The following MROH2B variants were observed in gnomAD, a reference collection of about 807,000 sequenced individuals.
The protein encoded by MROH2B is maestro heat like repeat family member 2B.
Under a neutral mutation model 208.6 loss-of-function variants are expected in MROH2B, and 177 were observed. The ratio of observed to expected loss-of-function variants is 0.85; its 90% CI spans 0.75 to 0.96. The LOEUF is 0.96. MROH2B is among the 40% of genes least tolerant of loss of function. The pLI, the probability that MROH2B is intolerant of heterozygous loss-of-function variation, is 0.00. For synonymous variants in MROH2B, 728 were observed against 659.0 expected (o/e 1.10, Z -1.60); for missense variants, 2,002 against 1,878.7 (o/e 1.07, Z -1.21).
At chr5:41,011,507 T>C (rs1333280448) in intron 30 of MROH2B, among the ~76,000 whole-genome samples, 2 of 152,232 alleles carry the variant, frequency 1.3e-5, no homozygotes, top group East Asian at 1.9e-4. Flanking sequence ...AAAACACTTA[T>C]TGAAAAGTAA....
chr5:40,998,381 G>A (rs183010273), intron 41 of MROH2B, among the ~76,000 whole-genome samples: 18 of 152,268 alleles, frequency 1.2e-4, no homozygotes, highest in Middle Eastern at 3.4e-3. Flanking sequence ...TGATCAGTAG[G>A]TTTAGGCAAT....
At chr5:41,026,309 A>C (rs942048317) in intron 24 of MROH2B, among the ~76,000 whole-genome samples, 24 of 152,268 alleles carry the variant, frequency 1.6e-4, no homozygotes, top group African/African-American at 4.3e-4. Flanking sequence ...CCCAAAATCT[A>C]CTTAAGCTGA....
At chr5:41,030,530 G>A (rs1249089217) in intron 24 of MROH2B, among the ~76,000 whole-genome samples, 1 of 151,906 alleles carries the variant, frequency 6.6e-6, no homozygotes, top group Non-Finnish European at 1.5e-5. Flanking sequence ...TCAATGTTGT[G>A]AAAATGCCCA....
rs75614663 is a variant in MROH2B, at chr5:41,060,202, C to T, written c.615+1368G>A. Among the ~76,000 whole-genome samples the T allele has an allele frequency of 6.4e-3, 973 of 152,266 alleles. 7 individuals are homozygous for T. The highest frequency in any genetic ancestry group is 0.023 in the African/African-American group (944 of 41,554). ...ACTCCTCTGATCAGTTCCACGAACA[C>T]TATGTTAATTGATCTCTTTACCACT... On this transcript the variant is annotated intron_variant, in intron 6 of 41. Transcript: ENST00000399564.
chr5:41,003,603 T>A (rs1335473235), intron 37 of MROH2B, among the ~76,000 whole-genome samples: 1 of 152,080 alleles, frequency 6.6e-6, no homozygotes, highest in Non-Finnish European at 1.5e-5. Flanking sequence ...AAAAATTAGG[T>A]TTATGATGAA....
At chr5:41,016,603 C>T (rs746492802) in intron 28 of MROH2B, among the ~76,000 whole-genome samples, 10 of 148,590 alleles carry the variant, frequency 6.7e-5, no homozygotes, top group South Asian at 2.2e-4. Context: ...CTCAGCCTCC[C>T]GAGTAGCTGG....
At position 41,004,903 on chromosome 5, in the gene MROH2B, G is replaced by A; in HGVS notation, c.3882C>T (p.Ile1294=). ...TTCGCAGATTCCCATGCTTCCAAAG[G>A]ATTGGTTCCTTCATGAGCTGAAATA... ...AFFSELMKEP[I]LWKHGNLRNV... is the part of the protein sequence containing the mutation. The change falls in exon 36 of 42, where the codon ATC becomes ATT. Residue 1294 remains isoleucine (I), a synonymous_variant. Transcript: ENST00000399564. The A allele has an allele frequency of 6.2e-7, 1 of 1,613,870 alleles. No homozygotes were observed. The highest frequency in any genetic ancestry group is 8.5e-7 in the Non-Finnish European group (1 of 1,179,858).
intron 24 of MROH2B, among the ~76,000 whole-genome samples, chr5:41,023,434 G>A (rs961002915): frequency 2.0e-5 from 3 of 152,178 alleles, no homozygotes; most frequent in Non-Finnish European, 2.9e-5. Flanking sequence ...CTGGAAGAAA[G>A]GGTATCAGTG....
At chr5:41,021,887 G>T (rs1315744816) in intron 24 of MROH2B, among the ~76,000 whole-genome samples, 1 of 151,612 alleles carries the variant, frequency 6.6e-6, no homozygotes, top group Admixed American at 6.6e-5. Flanking sequence ...AAAAACAAAA[G>T]CAAAAAAAGA....
chr5:41,031,768 T>C (rs899397909), intron 24 of MROH2B, among the ~76,000 whole-genome samples: 1 of 152,106 alleles, frequency 6.6e-6, no homozygotes, highest in African/African-American at 2.4e-5. Context: ...CCCCAGTGTC[T>C]ATTGTTTCCT....
At position 41,015,473 on chromosome 5, in the gene MROH2B, G is replaced by T. The variant is rs1206938856; in HGVS notation, c.2890C>A (p.His964Asn). 1.2e-6 allele frequency: 2 copies of T among 1,613,302 alleles called. No homozygotes were observed. The highest frequency in any genetic ancestry group is 2.2e-5 in the South Asian group (2 of 90,996). Reference sequence around the variant, plus strand: ...CCCTGCAGTCTTTCCACTTCCAAGTGAATGCCTAAAATCAACAAAGTGAGA... The same window carrying T: ...CCCTGCAGTCTTTCCACTTCCAAGTTAATGCCTAAAATCAACAAAGTGAGA... ...TIGLFYIKGI[H>N]LEVERLQGLQ... Residue 964 changes from histidine to asparagine, a missense_variant, in exon 29 of 42, where the codon CAC becomes AAC. Physicochemically the swap from His to Asn is moderately conservative, Grantham distance 68. Transcript: ENST00000399564.
At chr5:41,063,518 G>C (rs1170155980) in intron 5 of MROH2B, among the ~76,000 whole-genome samples, 2 of 152,144 alleles carry the variant, frequency 1.3e-5, no homozygotes, top group Admixed American at 6.5e-5. Context: ...CAGGCACATA[G>C]CAAGTTCTCA....
At chr5:41,040,810 T>G (rs1742922809) in intron 19 of MROH2B, among the ~76,000 whole-genome samples, 1 of 152,004 alleles carries the variant, frequency 6.6e-6, no homozygotes. Flanking sequence ...GGATTACAGG[T>G]GTACATCACC....
intron 18 of MROH2B, among the ~76,000 whole-genome samples, chr5:41,043,273 A>G (rs988053126): frequency 6.6e-6 from 1 of 152,232 alleles, no homozygotes; most frequent in African/African-American, 2.4e-5. Flanking sequence ...AGTGGCCTCA[A>G]TCAGAGTGAG....
chr5:41,005,413 A>AGG (rs35848875), intron 35 of MROH2B, 118 bp downstream of exon 35: 35 of 204,644 alleles, frequency 1.7e-4, no homozygotes, highest in South Asian at 3.5e-4. Flanking sequence ...CCTCTATGAA[A>AGG]CCCCCCCCCC....
At chr5:40,999,508 G>T (rs567988284) in intron 40 of MROH2B, among the ~76,000 whole-genome samples, 169 bp downstream of exon 40, 1 of 152,176 alleles carries the variant, frequency 6.6e-6, no homozygotes, top group Admixed American at 6.5e-5. Flanking sequence ...AAGGAAGCAG[G>T]TTTCTTTGAG....
rs566066418 is a variant in MROH2B at position 41,018,946 on chromosome 5, G to T, written c.2514C>A (p.Pro838=). 1 of 1,613,852 alleles carries T rather than the reference G, an allele frequency of 6.2e-7. No homozygotes were observed. Among genetic ancestry groups the T allele is most frequent in the Admixed American group, 1.7e-5 (1 of 59,932 alleles). ...TTTTCAGATTTTCCAGAGGTGGAAGGGGCAGCAGCCTCCGAATATTCTCCT... is the reference window on the plus strand; with the variant it reads ...TTTTCAGATTTTCCAGAGGTGGAAGTGGCAGCAGCCTCCGAATATTCTCCT... The part of the protein sequence containing the change: ...ILEENIRRLL[P]LPPLENLKSE... The change falls in exon 25 of 42, where the codon CCC becomes CCA. Residue 838 remains proline (P), a synonymous_variant. Coordinates refer to ENST00000399564, the MANE Select transcript of MROH2B (RefSeq NM_173489.5).
At chr5:41,007,567 T>A (rs1741636762) in intron 33 of MROH2B, 113 bp from the exon 34 acceptor site, 1 of 1,053,362 alleles carries the variant, frequency 9.5e-7, no homozygotes, top group Non-Finnish European at 1.2e-6. Context: ...GACTAGGGGA[T>A]GTTGTGTAAG....
intron 39 of MROH2B, 93 bp from the exon 40 acceptor site, chr5:40,999,872 G>T: frequency 1.8e-6 from 2 of 1,097,840 alleles, no homozygotes; most frequent in Non-Finnish European, 2.7e-6. Flanking sequence ...ATTTGTAAAG[G>T]CCAGTGAGCA....
Sources: gnomAD v4.1 joint callset for allele counts (sites outside exome capture counted in the v4.1 genomes callset) on GRCh38, gnomAD v4.1.1 for gene constraint, MANE v1.5 for transcripts, NCBI Gene and HGNC (gene_info 2026-07-23, HGNC 2026-07-21) for gene names.